INVS: variants seen among roughly 807,000 people sequenced by gnomAD.
INVS encodes inversin, also known as inversion of embryo turning homolog.
A neutral mutation model predicts 108.8 loss-of-function variants in INVS; 86 were observed. The ratio of observed to expected loss-of-function variants is 0.79; its 90% CI spans 0.66 to 0.95. INVS has a LOEUF of 0.95. INVS is among the 40% of genes least tolerant of loss of function. The pLI, the probability that INVS is intolerant of heterozygous loss-of-function variation, is 0.00. For missense variants in INVS, 1,169 were observed against 1,297.4 expected, an observed-to-expected ratio of 0.90 and a Z score of 1.52; for synonymous variants, 455 against 473.5, an observed-to-expected ratio of 0.96 and a Z score of 0.51.
Position 100,240,196 on chromosome 9 carries a change from A to T in INVS, c.752A>T (p.Tyr251Phe), listed in dbSNP as rs997913731. The T allele has an allele frequency of 1.2e-6, 2 of 1,614,068 alleles. No homozygotes were observed. The highest frequency in any genetic ancestry group is 1.7e-6 in the Non-Finnish European group (2 of 1,179,966). ...TATGAAAGCTGCAATATAACGTCTT[A>T]TGATAACTTATTTCGAACCCCACTG... ...TSYESCNITS[Y>F]DNLFRTPLHW... Residue 251 changes from tyrosine (Y) to phenylalanine (F), a missense_variant, in exon 6 of 17, where the codon TAT becomes TTT. Around this residue, in one of 3 missense-constraint regions of INVS, gnomAD observed 365 missense variants for 397.5 expected, o/e 0.92. Coordinates refer to ENST00000262457, the MANE Select transcript of INVS (RefSeq NM_014425.5).
Position 100,232,779 on chromosome 9 carries a change from A to G in INVS, c.615+2952A>G, listed in dbSNP as rs560510411. Among the ~76,000 whole-genome samples the G allele has an allele frequency of 5.9e-5, 9 of 152,278 alleles. No individual in the cohort carries two copies. In the South Asian group the frequency reaches 1.9e-3, roughly 32 times the overall value. On this transcript the variant is annotated intron_variant, in intron 5 of 16. Transcript: ENST00000262457. Reference sequence around the variant, plus strand: ...TAGCCTTGTATTATAGTTTGAAGTCAGGTAGCTTGATACCTCCAGCTTTCT... The same window carrying G: ...TAGCCTTGTATTATAGTTTGAAGTCGGGTAGCTTGATACCTCCAGCTTTCT...
At chr9:100,257,545 C>T (rs1028536444) in intron 10 of INVS, among the ~76,000 whole-genome samples, 2 of 152,134 alleles carry the variant, frequency 1.3e-5, no homozygotes, top group Non-Finnish European at 2.9e-5. Flanking sequence ...GTGGCTAGTA[C>T]CAGTTGTTCC....
chr9:100,118,918 C>T (rs1483111965), intron 2 of INVS, among the ~76,000 whole-genome samples: 1 of 152,138 alleles, frequency 6.6e-6, no homozygotes, highest in Non-Finnish European at 1.5e-5. Flanking sequence ...ACCTTGGCTT[C>T]CCAAAGTGCT....
At chr9:100,226,315 A>C (rs1831320194) in intron 4 of INVS, 80 bp downstream of exon 4, 1 of 1,209,010 alleles carries the variant, frequency 8.3e-7, no homozygotes, top group Admixed American at 1.9e-5. Flanking sequence ...TCAAGGAAGA[A>C]GGCCTGAATT....
At chr9:100,223,011 G>A (rs1201963861) in intron 3 of INVS, among the ~76,000 whole-genome samples, 1 of 151,462 alleles carries the variant, frequency 6.6e-6, no homozygotes, top group Admixed American at 6.6e-5. Flanking sequence ...CCAAATACCA[G>A]GTATTTGAGA....
chr9:100,251,606 A>T (rs1832238997), intron 8 of INVS, among the ~76,000 whole-genome samples: 1 of 152,160 alleles, frequency 6.6e-6, no homozygotes, highest in African/African-American at 2.4e-5. Flanking sequence ...TATTTTCTCC[A>T]GACTGGTCTA....
chr9:100,293,365 C>A (rs912431907), intron 14 of INVS, among the ~76,000 whole-genome samples: 2 of 152,130 alleles, frequency 1.3e-5, no homozygotes, highest in Admixed American at 1.3e-4. Context: ...ATCACATGGC[C>A]CCCCTGACCC....
chr9:100,260,968 A>G (rs192663969), intron 10 of INVS, among the ~76,000 whole-genome samples: 20 of 152,308 alleles, frequency 1.3e-4, no homozygotes, highest in Non-Finnish European at 1.2e-4. Context: ...GCTCTCATAT[A>G]TACTGCCAAA....
intron 2 of INVS, chr9:100,117,273 T>G: frequency 1.3e-6 from 1 of 747,952 alleles, no homozygotes; most frequent in East Asian, 2.5e-5. Context: ...AACCTGGTGC[T>G]CTGGCCAGCA....
intron 3 of INVS, among the ~76,000 whole-genome samples, chr9:100,182,809 AC>A (rs1829933463): frequency 2.6e-4 from 40 of 152,290 alleles, no homozygotes; most frequent in Admixed American, 2.1e-3. Context: ...AAATCATTCT[AC>A]GATAAAGACA....
intron 3 of INVS, among the ~76,000 whole-genome samples, chr9:100,136,037 T>A (rs2118929070): frequency 6.6e-6 from 1 of 152,182 alleles, no homozygotes; most frequent in East Asian, 1.9e-4. Context: ...ATGCTAAGAT[T>A]TGAATAGTTC....
intron 3 of INVS, among the ~76,000 whole-genome samples, chr9:100,220,606 T>C (rs992363139): frequency 1.3e-5 from 2 of 152,156 alleles, no homozygotes; most frequent in African/African-American, 4.8e-5. Context: ...TCTTATACTA[T>C]TTCCTACCCA....
intron 2 of INVS, among the ~76,000 whole-genome samples, chr9:100,123,205 C>T (rs571400643): frequency 1.3e-5 from 2 of 152,242 alleles, no homozygotes; most frequent in South Asian, 2.1e-4. Context: ...GATATTAGAA[C>T]ACTTTCATTA....
intron 3 of INVS, among the ~76,000 whole-genome samples, chr9:100,204,309 G>A (rs1830616227): frequency 6.6e-6 from 1 of 152,126 alleles, no homozygotes; most frequent in Admixed American, 6.5e-5. Flanking sequence ...TCTATTCACT[G>A]CTATTTAAGC....
At chr9:100,169,606 C>T (rs1829475712) in intron 3 of INVS, among the ~76,000 whole-genome samples, 1 of 152,148 alleles carries the variant, frequency 6.6e-6, no homozygotes, top group Non-Finnish European at 1.5e-5. Context: ...CAGTGCATTG[C>T]TGTTGTCCAA....
chr9:100,143,045 G>A (rs573886557), intron 3 of INVS, among the ~76,000 whole-genome samples: 83 of 152,248 alleles, frequency 5.5e-4, no homozygotes, highest in African/African-American at 1.9e-3. Flanking sequence ...AAGTAATGGG[G>A]GCTGTCTGTG....
chr9:100,149,671 A>G (rs904853347), intron 3 of INVS, among the ~76,000 whole-genome samples: 2 of 152,164 alleles, frequency 1.3e-5, no homozygotes, highest in Non-Finnish European at 2.9e-5. Flanking sequence ...GTCCTTTAAC[A>G]CTTTGATTAT....
chr9:100,182,730 A>C (rs1829931144), intron 3 of INVS, among the ~76,000 whole-genome samples: 1 of 152,122 alleles, frequency 6.6e-6, no homozygotes, highest in Non-Finnish European at 1.5e-5. Context: ...GCGATTCCTC[A>C]AGGATCTAGA....
chr9:100,131,116 T>C (rs1199136235), intron 3 of INVS, among the ~76,000 whole-genome samples: 1 of 152,136 alleles, frequency 6.6e-6, no homozygotes, highest in Non-Finnish European at 1.5e-5. Flanking sequence ...AGAGCCCCAT[T>C]ACCTTATATT....
Sources: allele counts gnomAD v4.1 joint callset (sites outside exome capture counted in the v4.1 genomes callset), GRCh38; gene constraint gnomAD v4.1.1; regional missense constraint gnomAD v4.1.1; transcripts MANE v1.5; gene names NCBI Gene and HGNC (gene_info 2026-07-23, HGNC 2026-07-21).